FHIT: variants seen among roughly 807,000 people sequenced by gnomAD.
FHIT encodes fragile histidine triad diadenosine triphosphatase, also known as bis(5'-adenosyl)-triphosphatase.
FHIT carries 19 observed loss-of-function variants against 17.9 expected under a neutral mutation model. The observed-to-expected ratio is 1.06, with a 90% CI of 0.74 to 1.56. The LOEUF (loss-of-function observed/expected upper bound fraction) is 1.56, where lower values mean the gene tolerates loss of function less well. Ranked by LOEUF, FHIT falls within the 40% of genes most tolerant of loss-of-function variation. The pLI is 0.00. For synonymous variants in FHIT, 81 were observed against 69.7 expected (o/e 1.16, Z -0.81); for missense variants, 248 against 189.2 (o/e 1.31, Z -1.82).
At chr3:60,442,821 T>C (rs1301020938) in intron 5 of FHIT, among the ~76,000 whole-genome samples, 2 of 152,166 alleles carry the variant, frequency 1.3e-5, no homozygotes, top group Non-Finnish European at 2.9e-5. Flanking sequence ...AAGTCATTGG[T>C]AGCTTGATGG....
chr3:59,768,234 G>A lies in FHIT; in HGVS notation c.349-15913C>T, dbSNP rs564246994. Among the ~76,000 whole-genome samples, 7 of 152,120 alleles carry A rather than the reference G, an allele frequency of 4.6e-5. 2 individuals are homozygous for A. Among genetic ancestry groups the A allele is most frequent in the South Asian group, 4.1e-4 (2 of 4,822 alleles). On this transcript the variant is annotated intron_variant, in intron 8 of 9. Transcript: ENST00000492590. ...CTAGGTAATGGTCCAGTGCAATTTCGACTCCATCTCCTAATCCTTTGACAT... is the reference window on the plus strand; with the variant it reads ...CTAGGTAATGGTCCAGTGCAATTTCAACTCCATCTCCTAATCCTTTGACAT...
intron 8 of FHIT, among the ~76,000 whole-genome samples, chr3:59,898,785 A>T (rs9884086): frequency 1.3e-5 from 2 of 152,152 alleles, no homozygotes; most frequent in African/African-American, 2.4e-5. Context: ...TCTCACCGAC[A>T]TTAGTAAAAT....
intron 8 of FHIT, among the ~76,000 whole-genome samples, chr3:59,886,628 C>G (rs1397449797): frequency 2.0e-5 from 3 of 152,126 alleles, no homozygotes; most frequent in African/African-American, 7.2e-5. Flanking sequence ...AACCAGCTTT[C>G]ATGGGAACTA....
intron 5 of FHIT, among the ~76,000 whole-genome samples, chr3:60,365,586 T>A (rs780054027): frequency 6.6e-6 from 1 of 152,210 alleles, no homozygotes; most frequent in African/African-American, 2.4e-5. Flanking sequence ...AACTCATTAG[T>A]TATTTCCAAA....
At chr3:60,874,997 T>C (rs567030015) in intron 3 of FHIT, among the ~76,000 whole-genome samples, 2 of 152,300 alleles carry the variant, frequency 1.3e-5, no homozygotes, top group South Asian at 2.1e-4. Context: ...AGAAATGAGA[T>C]AATATAGAGA....
intron 2 of FHIT, among the ~76,000 whole-genome samples, chr3:61,129,458 T>G (rs1025733233): frequency 3.3e-5 from 5 of 152,194 alleles, no homozygotes; most frequent in African/African-American, 4.8e-5. Flanking sequence ...GGAACATGGT[T>G]GAACTCAGGA....
chr3:60,029,678 G>A (rs1328918314), intron 5 of FHIT, among the ~76,000 whole-genome samples: 3 of 152,150 alleles, frequency 2.0e-5, no homozygotes, highest in Non-Finnish European at 4.4e-5. Flanking sequence ...TGAGAAATGG[G>A]CCTTGTCTTG....
At chr3:60,116,319 T>A (rs1273696248) in intron 5 of FHIT, among the ~76,000 whole-genome samples, 1 of 152,182 alleles carries the variant, frequency 6.6e-6, no homozygotes, top group Non-Finnish European at 1.5e-5. Context: ...GGTGTGTAAC[T>A]TTTATATGAA....
intron 5 of FHIT, among the ~76,000 whole-genome samples, chr3:60,350,752 C>T (rs905591228): frequency 5.3e-5 from 8 of 152,120 alleles, no homozygotes; most frequent in African/African-American, 1.9e-4. Context: ...CATGATCCAG[C>T]CCCCTGTATT....
chr3:60,637,160 CT>C, intron 4 of FHIT, among the ~76,000 whole-genome samples: 1 of 152,120 alleles, frequency 6.6e-6, no homozygotes, highest in East Asian at 1.9e-4. Flanking sequence ...AAAAAAAAGA[CT>C]CAGCAAAATG....
intron 5 of FHIT, among the ~76,000 whole-genome samples, chr3:60,285,460 A>C (rs904625631): frequency 6.6e-6 from 1 of 152,150 alleles, no homozygotes; most frequent in Admixed American, 6.5e-5. Flanking sequence ...GCAGACTTAA[A>C]AATTATGACA....
In FHIT at chr3:61,010,900, T is replaced by C. The variant is rs139291262; in HGVS notation, c.-111+31147A>G. 4.6e-3 allele frequency among the ~76,000 whole-genome samples: 694 copies of C among 152,314 alleles called. 4 individuals carry two copies. The highest frequency in any genetic ancestry group is 0.016 in the African/African-American group (671 of 41,580). ...AAAAAATATAACCTAAATAATTCCA[T>C]TGAACTCTCAGTATATGTAGGAGTA... On this transcript the variant is annotated intron_variant, in intron 3 of 9. Transcript: ENST00000492590.
intron 4 of FHIT, among the ~76,000 whole-genome samples, chr3:60,781,236 G>A (rs1008248107): frequency 3.3e-5 from 5 of 152,196 alleles, no homozygotes; most frequent in South Asian, 2.1e-4. Flanking sequence ...GCATCTACAC[G>A]TGCTAGATTC....
chr3:60,501,012 C>A (rs2034504076), intron 5 of FHIT, among the ~76,000 whole-genome samples: 1 of 152,024 alleles, frequency 6.6e-6, no homozygotes, highest in Non-Finnish European at 1.5e-5. Flanking sequence ...ACCTCAATTG[C>A]TTTTCCATCC....
At chr3:59,795,867 G>C (rs1221504543) in intron 8 of FHIT, among the ~76,000 whole-genome samples, 2 of 152,200 alleles carry the variant, frequency 1.3e-5, no homozygotes, top group African/African-American at 4.8e-5. Context: ...AGTTCAGACA[G>C]GCTTATGTAC....
chr3:60,988,743 A>T (rs958310708), intron 3 of FHIT, among the ~76,000 whole-genome samples: 7 of 152,062 alleles, frequency 4.6e-5, no homozygotes, highest in Non-Finnish European at 4.4e-5. Context: ...TATTTGTTTG[A>T]GCTGAATCTC....
At chr3:60,790,492 A>T (rs1451878445) in intron 4 of FHIT, among the ~76,000 whole-genome samples, 1 of 152,182 alleles carries the variant, frequency 6.6e-6, no homozygotes, top group Non-Finnish European at 1.5e-5. Context: ...AGTTATCACA[A>T]CAGGATCATG....
Position 61,240,768 on chromosome 3 carries a change from T to C in FHIT, c.-213+10533A>G, listed in dbSNP as rs142039975. On this transcript the variant is annotated intron_variant, in intron 1 of 9. Transcript: ENST00000492590. ...CCCTTCTTTACATAATTTTAACCCA[T>C]TGGGATTGCTTTCTAACCAGTGGTT... Among the ~76,000 whole-genome samples, 452 of 152,322 alleles carry C rather than the reference T, an allele frequency of 3.0e-3. 4 individuals are homozygous for C. Among genetic ancestry groups the C allele is most frequent in the African/African-American group, 1.0e-2 (415 of 41,568 alleles).
At chr3:60,290,229 G>C (rs1418285056) in intron 5 of FHIT, among the ~76,000 whole-genome samples, 1 of 152,184 alleles carries the variant, frequency 6.6e-6, no homozygotes, top group African/African-American at 2.4e-5. Flanking sequence ...TTTTGGGAAA[G>C]AGTACTGTGC....
Sources: allele counts gnomAD v4.1 joint callset (sites outside exome capture counted in the v4.1 genomes callset), GRCh38; gene constraint gnomAD v4.1.1; transcripts MANE v1.5; gene names NCBI Gene and HGNC (gene_info 2026-07-23, HGNC 2026-07-21).